The following KCTD1 variants were observed in gnomAD, a reference collection of about 807,000 sequenced individuals.
KCTD1 encodes the protein BTB/POZ domain-containing protein KCTD1.
KCTD1 carries 24 observed loss-of-function variants against 66.0 expected under a neutral mutation model. That is an observed-to-expected ratio of 0.36 (90% confidence interval 0.26 to 0.51). KCTD1 has a LOEUF of 0.51. KCTD1 is among the 20% of genes least tolerant of loss of function. The probability of loss-of-function intolerance (pLI) is 0.95; values close to 1 mark genes in which losing one functional copy is unlikely to be tolerated. For missense variants in KCTD1, 943 were observed against 1,205.2 expected (o/e 0.78, Z 3.22); for synonymous variants, 511 against 517.2 (o/e 0.99, Z 0.16).
At chr18:26,500,028 C>T (rs147420982) in intron 2 of KCTD1, among the ~76,000 whole-genome samples, 1,665 of 152,234 alleles carry the variant, frequency 0.011, 14 homozygotes, top group Middle Eastern at 0.027. Context: ...ACCTGTAATC[C>T]CAGCGCTTTG....
At chr18:26,568,426 G>A (rs935087815) in intron 1 of KCTD1, among the ~76,000 whole-genome samples, 3 of 151,652 alleles carry the variant, frequency 2.0e-5, no homozygotes, top group South Asian at 2.1e-4. Context: ...TAGTAGAGAC[G>A]GGGTTTCGCC....
chr18:26,517,914 C>T (rs547263451), intron 1 of KCTD1, among the ~76,000 whole-genome samples: 17 of 152,394 alleles, frequency 1.1e-4, no homozygotes, highest in African/African-American at 3.8e-4. Context: ...CCTGCAGCTA[C>T]AAGAGACAGA....
chr18:26,572,346 T>C (rs1193345775), intron 1 of KCTD1, among the ~76,000 whole-genome samples: 1 of 152,228 alleles, frequency 6.6e-6, no homozygotes, highest in African/African-American at 2.4e-5. Context: ...TGTGAGTCAC[T>C]GCTGGTTTTA....
At chr18:26,469,294 CA>C (rs1980924796) in intron 3 of KCTD1, among the ~76,000 whole-genome samples, 1 of 151,952 alleles carries the variant, frequency 6.6e-6, no homozygotes, top group African/African-American at 2.4e-5. Context: ...AGGGAGCACG[CA>C]AAAGGTGCAG....
chr18:26,502,835 T>A (rs1028637788), intron 1 of KCTD1, among the ~76,000 whole-genome samples: 2 of 152,236 alleles, frequency 1.3e-5, no homozygotes, highest in Admixed American at 6.5e-5. Context: ...ATGCCTTTGA[T>A]GGAGACCACA....
chr18:26,558,104 C>G (rs545191609), intron 1 of KCTD1, among the ~76,000 whole-genome samples: 1 of 152,366 alleles, frequency 6.6e-6, no homozygotes, highest in Admixed American at 6.5e-5. Flanking sequence ...GATCATGGAA[C>G]TTGCGTGTGT....
In KCTD1 at chr18:26,547,530, A is replaced by C. The variant is rs1567989037; in HGVS notation, c.1007T>G (p.Leu336Arg). The C allele has an allele frequency of 6.4e-7, 1 of 1,551,652 alleles. No individual in the cohort carries two copies. The highest frequency in any genetic ancestry group is 8.7e-7 in the Non-Finnish European group (1 of 1,146,992). ...CTTGCGACCGTCCTCGTCCATGGCC[A>C]GCCCAAAAGAGTCCTCCTCCAACTC... Reference protein sequence around the residue: ...QRELEEDSFGLAMDEDGRKFV... With the variant: ...QRELEEDSFGRAMDEDGRKFV... The change falls in exon 1 of 5, where the codon CTG becomes CGG. Residue 336 changes from leucine (L) to arginine (R), a missense_variant. Physicochemically the swap from Leu to Arg is moderately radical, Grantham distance 102. Transcript: ENST00000580059.
At chr18:26,466,512 G>A (rs1980742220) in intron 3 of KCTD1, among the ~76,000 whole-genome samples, 1 of 152,180 alleles carries the variant, frequency 6.6e-6, no homozygotes, top group African/African-American at 2.4e-5. Context: ...CTTGGTTGTT[G>A]CAACCGGGAA....
chr18:26,499,784 AGT>A (rs1982660799), intron 2 of KCTD1, among the ~76,000 whole-genome samples: 1 of 152,232 alleles, frequency 6.6e-6, no homozygotes, highest in Admixed American at 6.5e-5. Context: ...AAGCTCAAGG[AGT>A]GTGTTTCCAG....
intron 1 of KCTD1, among the ~76,000 whole-genome samples, chr18:26,519,696 C>A (rs1355036427): frequency 1.3e-5 from 2 of 152,150 alleles, no homozygotes; most frequent in Non-Finnish European, 2.9e-5. Context: ...AAATGTTAAA[C>A]AAATTAAGCA....
At chr18:26,654,940 A>G (rs898651157) in intron 1 of KCTD1, among the ~76,000 whole-genome samples, 2 of 152,344 alleles carry the variant, frequency 1.3e-5, no homozygotes, top group East Asian at 3.9e-4. Context: ...AGTAAGCCAA[A>G]TGCCACACAA....
intron 1 of KCTD1, among the ~76,000 whole-genome samples, chr18:26,560,806 G>A (rs937731758): frequency 2.6e-5 from 4 of 152,254 alleles, no homozygotes; most frequent in Non-Finnish European, 5.9e-5. Flanking sequence ...CCACGTGGGT[G>A]TAGAGCAATA....
chr18:26,543,953 GAAGT>G (rs1460359814), intron 1 of KCTD1: 2 of 152,202 alleles, frequency 1.3e-5, no homozygotes, highest in African/African-American at 2.4e-5. Flanking sequence ...CCTCTAAACT[GAAGT>G]ACTGTTCTCT....
upstream of KCTD1, chr18:26,629,272 C>A: frequency 1.1e-6 from 1 of 930,556 alleles, no homozygotes; most frequent in Non-Finnish European, 1.3e-6. Context: ...TTGGGCCAGC[C>A]CATGACCTTA....
At chr18:26,577,256 A>T (rs1986246072) in intron 1 of KCTD1, among the ~76,000 whole-genome samples, 1 of 152,148 alleles carries the variant, frequency 6.6e-6, no homozygotes, top group Non-Finnish European at 1.5e-5. Flanking sequence ...ATCACTGTCA[A>T]GGTTTATGAT....
chr18:26,621,129 G>C (rs542998333), intron 1 of KCTD1, among the ~76,000 whole-genome samples: 9 of 152,210 alleles, frequency 5.9e-5, no homozygotes, highest in Non-Finnish European at 1.2e-4. Flanking sequence ...CACCGTGCAC[G>C]GCCGAAAAGA....
intron 1 of KCTD1, among the ~76,000 whole-genome samples, chr18:26,511,698 C>T (rs1983339492): frequency 1.3e-5 from 2 of 152,226 alleles, no homozygotes; most frequent in South Asian, 2.1e-4. Context: ...TGATATTTTA[C>T]ATGCTAGCCA....
chr18:26,477,011 T>A (rs1387792576), intron 2 of KCTD1: 1 of 178,554 alleles, frequency 5.6e-6, no homozygotes, highest in East Asian at 1.6e-4. Context: ...ATGTTATTGC[T>A]CCAAAGCATC....
chr18:26,520,157 T>C (rs1177958278), intron 1 of KCTD1, among the ~76,000 whole-genome samples: 2 of 152,204 alleles, frequency 1.3e-5, no homozygotes, highest in Non-Finnish European at 2.9e-5. Context: ...CTGGAAAAGA[T>C]CTGGTTCATG....
Sources: gnomAD v4.1 joint callset for allele counts (sites outside exome capture counted in the v4.1 genomes callset) on GRCh38, gnomAD v4.1.1 for gene constraint, MANE v1.5 for transcripts, NCBI Gene and HGNC (gene_info 2026-07-23, HGNC 2026-07-21) for gene names.